The following RBP4 variants were observed in gnomAD, a reference collection of about 807,000 sequenced individuals.
RBP4 encodes retinol-binding protein 4.
Under a neutral mutation model 26.2 loss-of-function variants are expected in RBP4, and 9 were observed. The observed-to-expected ratio is 0.34, with a 90% CI of 0.21 to 0.60. The LOEUF (loss-of-function observed/expected upper bound fraction) is 0.60, where lower values mean the gene tolerates loss of function less well. Among genes scored for constraint, RBP4 ranks in the 20% least tolerant of loss-of-function variants. RBP4 has a pLI of 0.80. For missense variants in RBP4, 244 were observed against 271.3 expected (o/e 0.90, Z 0.71); for synonymous variants, 114 against 111.0 (o/e 1.03, Z -0.17).
chr10:93,601,523 C>G (rs2058339721), upstream of RBP4: 1 of 670,758 alleles, frequency 1.5e-6, no homozygotes. Context: ...CAGCTGCGGT[C>G]TAGGGTGGCC....
At position 93,600,579 on chromosome 10, in the gene RBP4, C is replaced by T. The variant is rs1250724982; in HGVS notation, c.249-80G>A. The T allele has an allele frequency of 5.0e-6, 8 of 1,612,936 alleles. No homozygotes were observed. In the Admixed American group the frequency reaches 8.3e-5, roughly 17 times the overall value. On this transcript the variant is annotated intron_variant, in intron 3 of 5. Transcript: ENST00000371464. Reference sequence around the variant, plus strand: ...CTCCACCCATTCGGTGCTCCCTTCCCTTCACAATGCCCACGTGGCGATCAG... The same window carrying T: ...CTCCACCCATTCGGTGCTCCCTTCCTTTCACAATGCCCACGTGGCGATCAG...
At position 93,597,114 on chromosome 10, in the gene RBP4, C is replaced by T. The variant is rs1397039669; in HGVS notation, c.356-3079G>A. The stretch of plus-strand genomic sequence containing the variant: ...TTAAAATGCAGATTCCAGGGCCGTG[C>T]CCTTAGAATTTCTGACTCCATAATT... On this transcript the variant is annotated intron_variant, in intron 4 of 5. Transcript: ENST00000371464. 3.3e-5 allele frequency among the ~76,000 whole-genome samples: 5 copies of T among 152,180 alleles called. 1 individual carries two copies. The highest frequency in any genetic ancestry group is 2.1e-4 in the South Asian group (1 of 4,826).
intron 4 of RBP4, among the ~76,000 whole-genome samples, chr10:93,596,404 C>G (rs1181158149): frequency 1.1e-4 from 16 of 152,106 alleles, no homozygotes; most frequent in Non-Finnish European, 2.9e-5. Flanking sequence ...TGACCTTGAC[C>G]AGGCTCTCCC....
At chr10:93,595,412 ATACT>A (rs1341699985) in intron 4 of RBP4, among the ~76,000 whole-genome samples, 3 of 152,174 alleles carry the variant, frequency 2.0e-5, no homozygotes, top group Non-Finnish European at 4.4e-5. Flanking sequence ...AGGCACAGAG[ATACT>A]TAATAATTCA....
At chr10:93,593,782 C>T in intron 5 of RBP4, 41 bp downstream of exon 5, 2 of 1,599,690 alleles carry the variant, frequency 1.3e-6, no homozygotes, top group Non-Finnish European at 8.5e-7. Context: ...AAACCCACTG[C>T]CCTGCAGGAA....
At chr10:93,593,283 A>T (rs74150279) in intron 5 of RBP4, among the ~76,000 whole-genome samples, 3,037 of 152,298 alleles carry the variant, frequency 0.02, 117 homozygotes, top group African/African-American at 0.07. Context: ...AAAAGATCCT[A>T]TGGTTGTTCC....
intron 4 of RBP4, among the ~76,000 whole-genome samples, chr10:93,599,585 C>T (rs1332661140): frequency 6.6e-6 from 1 of 152,160 alleles, no homozygotes; most frequent in African/African-American, 2.4e-5. Flanking sequence ...TGTCCTTGGG[C>T]AAAGTTCTCT....
At chr10:93,592,857 G>T (rs1316306788) in intron 5 of RBP4, among the ~76,000 whole-genome samples, 2 of 151,748 alleles carry the variant, frequency 1.3e-5, no homozygotes, top group Non-Finnish European at 2.9e-5. Context: ...TTGCTCTGTT[G>T]CCCAGGCTGG....
chr10:93,593,640 C>T (rs1176085633), intron 5 of RBP4, among the ~76,000 whole-genome samples, 183 bp downstream of exon 5: 1 of 152,202 alleles, frequency 6.6e-6, no homozygotes, highest in Non-Finnish European at 1.5e-5. Context: ...TGCATGAGCC[C>T]TATGAGAAGG....
At chr10:93,597,202 G>GGA (rs2064028130) in intron 4 of RBP4, among the ~76,000 whole-genome samples, 1 of 152,210 alleles carries the variant, frequency 6.6e-6, no homozygotes. Flanking sequence ...AGATATAGAT[G>GGA]GAGCAGGAAC....
At chr10:93,595,376 C>T (rs898695229) in intron 4 of RBP4, among the ~76,000 whole-genome samples, 1 of 152,158 alleles carries the variant, frequency 6.6e-6, no homozygotes, top group South Asian at 2.1e-4. Flanking sequence ...ACACTATCAT[C>T]CTCTACTTTA....
intron 4 of RBP4, among the ~76,000 whole-genome samples, chr10:93,595,720 C>G (rs2058298740): frequency 6.6e-6 from 1 of 152,242 alleles, no homozygotes. Flanking sequence ...CTGGGTGTGC[C>G]TCTCTGAGAA....
intron 1 of RBP4, 31 bp downstream of exon 1, chr10:93,601,140 C>T (rs2058336275): frequency 4.7e-6 from 7 of 1,489,688 alleles, no homozygotes; most frequent in South Asian, 1.3e-5. Context: ...CCCATCCCGC[C>T]GCCGGCCCCG....
chr10:93,600,069 A>G (rs928024093), intron 4 of RBP4, among the ~76,000 whole-genome samples: 1 of 152,170 alleles, frequency 6.6e-6, no homozygotes, highest in Non-Finnish European at 1.5e-5. Context: ...AGCTAGGTGG[A>G]GTGGTGATGT....
intron 1 of RBP4, 23 bp downstream of exon 1, chr10:93,601,148 C>T (rs1455613689): frequency 6.8e-7 from 1 of 1,478,662 alleles, no homozygotes; most frequent in Admixed American, 2.2e-5. Context: ...GCCGCCGGCC[C>T]CGAGGCCCCG....
At chr10:93,599,403 C>T (rs577416561) in intron 4 of RBP4, among the ~76,000 whole-genome samples, 1 of 152,218 alleles carries the variant, frequency 6.6e-6, no homozygotes, top group South Asian at 2.1e-4. Context: ...CCTGGATCAC[C>T]GAGCAGAGAG....
rs1452604054 is a variant in RBP4 at position 93,593,794 on chromosome 10, A to T, written c.568+29T>A. The T allele has an allele frequency of 2.5e-6, 4 of 1,608,200 alleles. No individual in the cohort carries two copies. In the South Asian group the frequency reaches 4.4e-5, roughly 18 times the overall value. ...TCCAAACCCACTGCCCTGCAGGAAG[A>T]GCCAGAAGGCACCCTGCTCCTGACT... On this transcript the variant is annotated intron_variant, in intron 5 of 5. Transcript: ENST00000371464.
intron 4 of RBP4, among the ~76,000 whole-genome samples, chr10:93,594,947 C>G (rs1335470237): frequency 6.6e-6 from 1 of 151,980 alleles, no homozygotes; most frequent in Non-Finnish European, 1.5e-5. Flanking sequence ...TGAGACCAAC[C>G]TGGGCAACAT....
intron 4 of RBP4, among the ~76,000 whole-genome samples, chr10:93,595,882 TA>T (rs2058299637): frequency 6.6e-6 from 1 of 152,088 alleles, no homozygotes; most frequent in Non-Finnish European, 1.5e-5. Context: ...TGTTCCAGGG[TA>T]ACAGTGTCAG....
Sources: gnomAD v4.1 joint callset for allele counts (sites outside exome capture counted in the v4.1 genomes callset) on GRCh38, gnomAD v4.1.1 for gene constraint, MANE v1.5 for transcripts, NCBI Gene and HGNC (gene_info 2026-07-23, HGNC 2026-07-21) for gene names.